The following ARHGAP6 variants were observed in gnomAD, a reference collection of about 807,000 sequenced individuals.
The protein encoded by ARHGAP6 is Rho GTPase activating protein 6.
ARHGAP6 carries 16 observed loss-of-function variants against 55.7 expected under a neutral mutation model. The observed-to-expected ratio is 0.29, with a 90% CI of 0.19 to 0.44. The LOEUF (loss-of-function observed/expected upper bound fraction) is 0.44, where lower values mean the gene tolerates loss of function less well. Among genes scored for constraint, ARHGAP6 ranks in the 20% least tolerant of loss-of-function variants. ARHGAP6 has a pLI of 1.00. For missense variants in ARHGAP6, 698 were observed against 808.9 expected (o/e 0.86, Z 1.66); for synonymous variants, 382 against 360.9 (o/e 1.06, Z -0.66).
intron 1 of ARHGAP6, among the ~76,000 whole-genome samples, chrX:11,278,374 T>C (rs900780266): frequency 9.0e-6 from 1 of 111,162 alleles, no homozygotes; most frequent in Non-Finnish European, 1.9e-5. Context: ...GATGTGACTA[T>C]AGAATAATGA....
chrX:11,247,426 T>C (rs948307204), intron 2 of ARHGAP6, among the ~76,000 whole-genome samples: 2 of 112,335 alleles, frequency 1.8e-5, no homozygotes, highest in Admixed American at 9.4e-5. Flanking sequence ...GCTATAGTGA[T>C]TGTGGCAGGA....
intron 1 of ARHGAP6, among the ~76,000 whole-genome samples, chrX:11,611,846 AGAC>A (rs1336075181): frequency 9.0e-6 from 1 of 110,581 alleles, no homozygotes; most frequent in Non-Finnish European, 1.9e-5. Flanking sequence ...CAGGGGCACC[AGAC>A]AACATGCAGT....
chrX:11,375,364 T>A (rs1056864952), intron 1 of ARHGAP6, among the ~76,000 whole-genome samples: 13 of 112,342 alleles, frequency 1.2e-4, no homozygotes, highest in African/African-American at 4.2e-4. Context: ...GAAAAAGCAA[T>A]GACATGAAAC....
intron 2 of ARHGAP6, among the ~76,000 whole-genome samples, chrX:11,242,987 A>G (rs2047304686): frequency 1.8e-5 from 2 of 111,933 alleles, no homozygotes; most frequent in Non-Finnish European, 3.8e-5. Flanking sequence ...GAGCCATTCA[A>G]AACAATTCCA....
chrX:11,327,930 AAGGTACTTTAC>A (rs199989563), intron 1 of ARHGAP6, among the ~76,000 whole-genome samples: 19,510 of 110,272 alleles, frequency 0.18, 1,593 homozygotes, highest in Middle Eastern at 0.33. Flanking sequence ...CAGGGTTTTA[AAGGTACTTTAC>A]AGGTACTTTA....
intron 2 of ARHGAP6, among the ~76,000 whole-genome samples, chrX:11,222,364 A>C (rs1344973208): frequency 8.9e-6 from 1 of 111,955 alleles, no homozygotes; most frequent in African/African-American, 3.2e-5. Flanking sequence ...GGTGGTGACA[A>C]AGTGCTGGTT....
At chrX:11,398,263 A>T (rs1029184655) in intron 1 of ARHGAP6, among the ~76,000 whole-genome samples, 27 of 73,737 alleles carry the variant, frequency 3.7e-4, no homozygotes, top group Admixed American at 2.7e-3. Context: ...TAAGTGCTAT[A>T]AAAAAAAAAA....
intron 1 of ARHGAP6, among the ~76,000 whole-genome samples, chrX:11,460,290 CA>C (rs1042683887): frequency 9.0e-6 from 1 of 111,471 alleles, no homozygotes; most frequent in Non-Finnish European, 1.9e-5. Flanking sequence ...CCCTGGCTGA[CA>C]GCTGGCAAGA....
intron 1 of ARHGAP6, among the ~76,000 whole-genome samples, chrX:11,574,378 T>C (rs1247515988): frequency 7.6e-5 from 8 of 105,883 alleles, no homozygotes; most frequent in South Asian, 4.3e-4. Flanking sequence ...TTATCCACCA[T>C]GATCAAGTGG....
intron 1 of ARHGAP6, among the ~76,000 whole-genome samples, chrX:11,396,698 G>A (rs1468726470): frequency 9.0e-6 from 1 of 111,221 alleles, no homozygotes; most frequent in African/African-American, 3.3e-5. Context: ...GATGAGAGAC[G>A]CTGACTTACA....
chrX:11,506,944 G>C (rs769680909), intron 1 of ARHGAP6, among the ~76,000 whole-genome samples: 59 of 111,814 alleles, frequency 5.3e-4, no homozygotes, highest in Admixed American at 1.6e-3. Flanking sequence ...CTGGCATGAG[G>C]TGGTATCTCA....
chrX:11,174,522 C>T (rs183132297), intron 8 of ARHGAP6, among the ~76,000 whole-genome samples: 194 of 41,997 alleles, frequency 4.6e-3, no homozygotes, highest in East Asian at 0.014. Flanking sequence ...TCTTTCTTTC[C>T]TTCCTTCCTT....
intron 1 of ARHGAP6, among the ~76,000 whole-genome samples, chrX:11,454,471 C>G (rs1362930601): frequency 8.9e-6 from 1 of 112,089 alleles, no homozygotes; most frequent in East Asian, 2.8e-4. Flanking sequence ...AAATAATTAC[C>G]TGAATAAAAG....
chrX:11,159,045 TGAA>T (rs769576123), intron 9 of ARHGAP6, among the ~76,000 whole-genome samples: 1 of 111,474 alleles, frequency 9.0e-6, no homozygotes, highest in East Asian at 2.8e-4. Flanking sequence ...CTCAAACTGA[TGAA>T]GGAGTTGGAG....
intron 2 of ARHGAP6, among the ~76,000 whole-genome samples, chrX:11,212,780 A>G (rs1254775347): frequency 1.8e-5 from 2 of 112,384 alleles, no homozygotes; most frequent in Non-Finnish European, 3.8e-5. Context: ...CCACAAAATT[A>G]CATACTTTGA....
In ARHGAP6 at chrX:11,664,445, G is replaced by T. The variant is rs1188248646; in HGVS notation, c.384C>A (p.Arg128=). 8 of 1,210,724 alleles carry T rather than the reference G, an allele frequency of 6.6e-6. No homozygotes were observed. The highest frequency in any genetic ancestry group is 3.5e-5 in the African/African-American group (2 of 57,684). The change falls in exon 1 of 13, where the codon CGC becomes CGA. Residue 128 remains arginine, a synonymous_variant. Transcript: ENST00000337414. Reference sequence around the variant, plus strand: ...AGGCCATGCTCTTCTTGAGGCCGCCGCGACCCAGGGGAACCTCATAGTCAA... The same window carrying T: ...AGGCCATGCTCTTCTTGAGGCCGCCTCGACCCAGGGGAACCTCATAGTCAA... ...FHFDYEVPLG[R]GGLKKSMAWD...
At chrX:11,514,920 C>T (rs1463771768) in intron 1 of ARHGAP6, among the ~76,000 whole-genome samples, 1 of 110,320 alleles carries the variant, frequency 9.1e-6, no homozygotes, top group Non-Finnish European at 1.9e-5. Context: ...CTATCCATTC[C>T]CATGAGGCTT....
At chrX:11,572,738 G>C (rs2051540639) in intron 1 of ARHGAP6, among the ~76,000 whole-genome samples, 1 of 111,760 alleles carries the variant, frequency 8.9e-6, no homozygotes, top group Non-Finnish European at 1.9e-5. Flanking sequence ...GGTATTTCTA[G>C]TTCTAGATCC....
intron 1 of ARHGAP6, among the ~76,000 whole-genome samples, chrX:11,541,482 T>C (rs183907090): frequency 2.1e-4 from 23 of 111,843 alleles, no homozygotes; most frequent in Non-Finnish European, 3.8e-5. Flanking sequence ...TTACCATCCC[T>C]AGGAATTAGC....
Sources: allele counts gnomAD v4.1 joint callset (sites outside exome capture counted in the v4.1 genomes callset), GRCh38; gene constraint gnomAD v4.1.1; transcripts MANE v1.5; gene names NCBI Gene and HGNC (gene_info 2026-07-23, HGNC 2026-07-21).